Variants in DPF3 observed in about 807,000 individuals in gnomAD.
DPF3 encodes the protein double PHD fingers 3, also known as zinc finger protein DPF3.
DPF3 carries 18 observed loss-of-function variants against 56.8 expected under a neutral mutation model. The observed-to-expected ratio is 0.32, with a 90% CI of 0.22 to 0.47. The LOEUF is 0.47. Ranked by LOEUF, DPF3 falls within the 20% of genes least tolerant of loss-of-function variation. DPF3 has a pLI of 1.00. For missense variants in DPF3, 403 were observed against 488.8 expected (o/e 0.82, Z 1.65); for synonymous variants, 188 against 180.2 (o/e 1.04, Z -0.35).
At chr14:72,745,879 C>T (rs1567219471) in intron 3 of DPF3, among the ~76,000 whole-genome samples, 1 of 152,212 alleles carries the variant, frequency 6.6e-6, no homozygotes, top group Non-Finnish European at 1.5e-5. Context: ...CGAGTTAGCC[C>T]TGTTAACCCT....
intron 1 of DPF3, among the ~76,000 whole-genome samples, chr14:72,886,835 C>T (rs962772688): frequency 9.2e-5 from 14 of 152,044 alleles, no homozygotes; most frequent in Non-Finnish European, 1.0e-4. Context: ...GAAGGGGAGG[C>T]ATGAAGTCCA....
intron 1 of DPF3, among the ~76,000 whole-genome samples, chr14:72,853,619 C>T (rs758035322): frequency 8.6e-5 from 13 of 151,860 alleles, no homozygotes; most frequent in Admixed American, 2.6e-4. Flanking sequence ...GTACTACAGG[C>T]GCGGACCACC....
chr14:72,629,799 C>T (rs1411479269), intron 8 of DPF3, 63 bp from the exon 9 acceptor site: 32 of 1,303,806 alleles, frequency 2.5e-5, no homozygotes, highest in Non-Finnish European at 2.9e-5. Context: ...CTCAACACCA[C>T]TCACTGGAAA....
intron 3 of DPF3, among the ~76,000 whole-genome samples, chr14:72,743,072 G>A (rs968394282): frequency 9.2e-5 from 14 of 152,152 alleles, no homozygotes; most frequent in African/African-American, 2.2e-4. Context: ...GGATGGGGGC[G>A]ATCATCCTGG....
At chr14:72,727,951 G>A (rs1039598497) in intron 4 of DPF3, among the ~76,000 whole-genome samples, 4 of 152,166 alleles carry the variant, frequency 2.6e-5, no homozygotes, top group East Asian at 1.9e-4. Flanking sequence ...AGACCCATGC[G>A]CTGCACTCAG....
At chr14:72,810,304 A>T (rs1882981570) in intron 1 of DPF3, among the ~76,000 whole-genome samples, 1 of 152,148 alleles carries the variant, frequency 6.6e-6, no homozygotes, top group Non-Finnish European at 1.5e-5. Flanking sequence ...ATGGGAGCAC[A>T]CCTATAGTGG....
chr14:72,764,544 A>G (rs1369239452), intron 2 of DPF3, among the ~76,000 whole-genome samples: 1 of 114,670 alleles, frequency 8.7e-6, no homozygotes, highest in Non-Finnish European at 1.6e-5. Context: ...GCTGGAGTGC[A>G]GTGGCACGAA....
chr14:72,772,251 G>C (rs572533062), intron 1 of DPF3, among the ~76,000 whole-genome samples: 1 of 152,270 alleles, frequency 6.6e-6, no homozygotes, highest in Non-Finnish European at 1.5e-5. Context: ...ATGGAATCTA[G>C]AGGACATCAC....
At position 72,835,169 on chromosome 14, in the gene DPF3, G is replaced by A. The variant is rs568205390; in HGVS notation, c.32+58888C>T. On this transcript the variant is annotated intron_variant, in intron 1 of 10. Coordinates refer to ENST00000556509, the MANE Select transcript of DPF3 (RefSeq NM_001280542.3). Reference sequence around the variant, plus strand: ...TGCAACCACCGCCTCCCGGGTTCAAGCAATTCTCCTGCCTCAGCGTCCTGA... The same window carrying A: ...TGCAACCACCGCCTCCCGGGTTCAAACAATTCTCCTGCCTCAGCGTCCTGA... Among the ~76,000 whole-genome samples, 5 of 152,294 alleles carry A rather than the reference G, an allele frequency of 3.3e-5. No individual in the cohort carries two copies. In the East Asian group the frequency reaches 7.7e-4, roughly 23 times the overall value.
intron 1 of DPF3, among the ~76,000 whole-genome samples, chr14:72,890,039 G>A (rs1383642110): frequency 6.6e-6 from 1 of 152,160 alleles, no homozygotes; most frequent in Non-Finnish European, 1.5e-5. Flanking sequence ...ACATATATGT[G>A]TATAATCAAG....
intron 8 of DPF3, among the ~76,000 whole-genome samples, chr14:72,649,380 G>A (rs1431784739): frequency 6.6e-6 from 1 of 152,006 alleles, no homozygotes; most frequent in African/African-American, 2.4e-5. Flanking sequence ...ACCAGCTTTA[G>A]GAACTGCCAG....
At chr14:72,884,971 T>TATATATATATATATATA (rs10523148) in intron 1 of DPF3, among the ~76,000 whole-genome samples, 287 of 111,532 alleles carry the variant, frequency 2.6e-3, no homozygotes, top group Non-Finnish European at 3.9e-3. Flanking sequence ...TATATATATA[T>TATATATATATATATATA]TAGCCGGGCG....
At chr14:72,794,161 C>T (rs1892548837) in intron 1 of DPF3, among the ~76,000 whole-genome samples, 1 of 152,158 alleles carries the variant, frequency 6.6e-6, no homozygotes, top group South Asian at 2.1e-4. Flanking sequence ...CCCTCAGCTG[C>T]AAAATGGGTA....
intron 2 of DPF3, among the ~76,000 whole-genome samples, chr14:72,755,102 A>G (rs1890738659): frequency 6.6e-6 from 1 of 152,152 alleles, no homozygotes; most frequent in Non-Finnish European, 1.5e-5. Flanking sequence ...CTCTCCCACC[A>G]TGGCCATCTC....
At position 72,613,377 on chromosome 14, in the gene DPF3, C is replaced by T. The variant is rs541035062; in HGVS notation, c.*5920G>A. Reference sequence around the variant, plus strand: ...CATGATAAGTAATTATATCTCTGTCCAAGAGGGTTCTGGCTGCCTGCCAGT... The same window carrying T: ...CATGATAAGTAATTATATCTCTGTCTAAGAGGGTTCTGGCTGCCTGCCAGT... On this transcript the variant is annotated 3_prime_UTR_variant, in exon 11 of 11. Coordinates refer to ENST00000556509, the MANE Select transcript of DPF3 (RefSeq NM_001280542.3). Among the ~76,000 whole-genome samples the T allele has an allele frequency of 7.4e-4, 112 of 152,286 alleles. No individual in the cohort carries two copies. Among genetic ancestry groups the T allele is most frequent in the African/African-American group, 2.6e-3 (108 of 41,560 alleles).
chr14:72,612,721 A>C lies in DPF3; in HGVS notation c.*6576T>G. ...AGCTTTGCATCCCTTTGATAGCAGA[A>C]TTGAGACTTTTGAAGTACCCAACTA... On this transcript the variant is annotated 3_prime_UTR_variant, in exon 11 of 11. Coordinates refer to ENST00000556509, the MANE Select transcript of DPF3 (RefSeq NM_001280542.3). The C allele has an allele frequency of 2.3e-6, 1 of 439,274 alleles. No individual in the cohort carries two copies. Among genetic ancestry groups the C allele is most frequent in the South Asian group, 1.6e-5 (1 of 60,658 alleles). 27.2% of individuals were successfully genotyped at this position (439,274 alleles called of 1,614,324 possible). A position where few individuals can be genotyped will look rare whatever the true frequency, so the allele number is the denominator to read the frequency against.
intron 4 of DPF3, among the ~76,000 whole-genome samples, chr14:72,730,705 A>G (rs1205361449): frequency 1.3e-5 from 2 of 151,640 alleles, no homozygotes; most frequent in Non-Finnish European, 2.9e-5. Context: ...AGCATAAAAT[A>G]TAAACATTTA....
intron 8 of DPF3, among the ~76,000 whole-genome samples, chr14:72,649,664 G>GGGGA: frequency 7.5e-6 from 1 of 132,618 alleles, no homozygotes; most frequent in Non-Finnish European, 1.6e-5. Flanking sequence ...CCTGGGTGGG[G>GGGGA]GGGGGGATTA....
intron 1 of DPF3, among the ~76,000 whole-genome samples, chr14:72,885,748 C>T (rs1886521419): frequency 6.6e-6 from 1 of 152,024 alleles, no homozygotes; most frequent in Non-Finnish European, 1.5e-5. Flanking sequence ...ATAGTGAAAA[C>T]CCAAAAGAAA....
Sources: allele counts gnomAD v4.1 joint callset (sites outside exome capture counted in the v4.1 genomes callset), GRCh38; gene constraint gnomAD v4.1.1; transcripts MANE v1.5; gene names NCBI Gene and HGNC (gene_info 2026-07-23, HGNC 2026-07-21).